Variants in TSPEAR observed in about 807,000 individuals in gnomAD.
TSPEAR encodes the protein thrombospondin-type laminin G domain and EAR repeat-containing protein.
A neutral mutation model predicts 71.6 loss-of-function variants in TSPEAR; 69 were observed. The observed-to-expected ratio is 0.96, with a 90% CI of 0.79 to 1.18. The LOEUF is 1.18. TSPEAR is among the 50% of genes most tolerant of loss of function. The probability of loss-of-function intolerance (pLI) is 0.00; values close to 1 mark genes in which losing one functional copy is unlikely to be tolerated. For synonymous variants in TSPEAR, 402 were observed against 387.2 expected (o/e 1.04, Z -0.45); for missense variants, 971 against 894.9 (o/e 1.09, Z -1.09).
At chr21:44,624,096 C>T (rs1162248706) in intron 1 of TSPEAR, among the ~76,000 whole-genome samples, 1 of 152,064 alleles carries the variant, frequency 6.6e-6, no homozygotes, top group African/African-American at 2.4e-5. Context: ...TCTTCATTTC[C>T]CTCTTTTCTT....
intron 1 of TSPEAR, among the ~76,000 whole-genome samples, chr21:44,700,463 G>A (rs528116004): frequency 2.0e-5 from 3 of 152,214 alleles, no homozygotes; most frequent in Admixed American, 2.0e-4. Flanking sequence ...AGCCGAGGGA[G>A]CAGAGACTTC....
At chr21:44,562,857 G>A (rs1372611929) in intron 2 of TSPEAR, among the ~76,000 whole-genome samples, 1 of 152,154 alleles carries the variant, frequency 6.6e-6, no homozygotes, top group Non-Finnish European at 1.5e-5. Context: ...CATCTTACGA[G>A]TCATACTAGC....
chr21:44,648,075 G>A (rs1183172150), intron 1 of TSPEAR, among the ~76,000 whole-genome samples: 1 of 152,246 alleles, frequency 6.6e-6, no homozygotes, highest in Non-Finnish European at 1.5e-5. Context: ...GGGCTGCCCC[G>A]AGAGTTTGAG....
In TSPEAR at chr21:44,527,556, G is replaced by A. The variant is rs201713401; in HGVS notation, c.923-38C>T. 3.6e-5 allele frequency: 58 copies of A among 1,603,210 alleles called. No individual in the cohort carries two copies. The African/African-American group carries it at 5.1e-4, about 14-fold the overall frequency. On this transcript the variant is annotated intron_variant, in intron 6 of 11. Coordinates refer to ENST00000323084, the MANE Select transcript of TSPEAR (RefSeq NM_144991.3). ...ACGTTGTGACTCGGTTAAGATTTCC[G>A]AGAACGGAAATCCAGAGCAATCCTC...
intron 2 of TSPEAR, among the ~76,000 whole-genome samples, chr21:44,552,765 G>A (rs944754503): frequency 6.6e-6 from 1 of 152,194 alleles, no homozygotes; most frequent in Admixed American, 6.5e-5. Context: ...CTGCACACCT[G>A]CCTCGCCATT....
At chr21:44,673,390 A>T (rs1986152923) in intron 1 of TSPEAR, among the ~76,000 whole-genome samples, 1 of 152,254 alleles carries the variant, frequency 6.6e-6, no homozygotes, top group South Asian at 2.1e-4. Context: ...GCCATACAGG[A>T]AATTCTTAAG....
chr21:44,636,965 C>G (rs1555936804), intron 1 of TSPEAR, among the ~76,000 whole-genome samples: 1 of 152,234 alleles, frequency 6.6e-6, no homozygotes, highest in African/African-American at 2.4e-5. Context: ...ACACAGGCAC[C>G]TCCGTCCTGG....
intron 1 of TSPEAR, among the ~76,000 whole-genome samples, chr21:44,698,670 C>T (rs1037363730): frequency 6.6e-6 from 1 of 152,222 alleles, no homozygotes. Flanking sequence ...GCTCGCTCCA[C>T]CTGCAGCCCA....
chr21:44,687,508 G>A lies in TSPEAR; in HGVS notation c.82+23925C>T, dbSNP rs572692084. ...CAGGAACGCATCGCAGAAACACCGC[G>A]CGGGGTGGGAGAGGCCGGCACCAGA... On this transcript the variant is annotated intron_variant, in intron 1 of 11. Coordinates refer to ENST00000323084, the MANE Select transcript of TSPEAR (RefSeq NM_144991.3). The surrounding 1 kb of genome is among the most constrained non-coding windows in gnomAD (Gnocchi z 4.4). 6.6e-6 allele frequency among the ~76,000 whole-genome samples: 1 copy of A among 152,200 alleles called. No homozygotes were observed. Among genetic ancestry groups the A allele is most frequent in the African/African-American group, 2.4e-5 (1 of 41,446 alleles).
intron 1 of TSPEAR, among the ~76,000 whole-genome samples, chr21:44,614,984 G>A (rs1311767544): frequency 6.6e-6 from 1 of 152,196 alleles, no homozygotes; most frequent in African/African-American, 2.4e-5. Context: ...CACCTGTCCT[G>A]GAAGAAAAAG....
intron 1 of TSPEAR, among the ~76,000 whole-genome samples, chr21:44,583,186 G>A (rs1159664504): frequency 6.4e-5 from 1 of 15,522 alleles, no homozygotes; most frequent in African/African-American, 1.4e-4. Context: ...CTGGGGATCT[G>A]AGTGAGCTGA....
Position 44,591,807 on chromosome 21 carries a change from C to G in TSPEAR, c.83-23802G>C, listed in dbSNP as rs587739076. 2.7e-5 allele frequency: 43 copies of G among 1,577,438 alleles called. No individual in the cohort carries two copies. In the East Asian group the frequency reaches 8.0e-4, roughly 29 times the overall value. ...CGCAGCAGACGGGCACGCAGCAGGCCTGCTGGCAGGGGGAGGAGGTGCAGC... is the reference window on the plus strand; with the variant it reads ...CGCAGCAGACGGGCACGCAGCAGGCGTGCTGGCAGGGGGAGGAGGTGCAGC... On this transcript the variant is annotated intron_variant, in intron 1 of 11. Transcript: ENST00000323084.
At chr21:44,584,442 A>G (rs1278552734) in intron 1 of TSPEAR, among the ~76,000 whole-genome samples, 2 of 152,192 alleles carry the variant, frequency 1.3e-5, no homozygotes, top group Non-Finnish European at 2.9e-5. Context: ...TTTGTCTTGT[A>G]TATACAAGAT....
At chr21:44,525,559 T>G in intron 8 of TSPEAR, 94 bp downstream of exon 8, 1 of 1,318,866 alleles carries the variant, frequency 7.6e-7, no homozygotes, top group Non-Finnish European at 1.1e-6. Context: ...TGTGGCTTAT[T>G]GTTTTCTAAT....
In TSPEAR at chr21:44,499,771, G is replaced by T; in HGVS notation, c.*12C>A. On this transcript the variant is annotated 3_prime_UTR_variant, in exon 12 of 12. Transcript: ENST00000323084. Reference sequence around the variant, plus strand: ...ACCTGGCCACCCCAGTTGCTGCCGGGCAGCCGCGGCCTCAGCGTGTCCTCA... The same window carrying T: ...ACCTGGCCACCCCAGTTGCTGCCGGTCAGCCGCGGCCTCAGCGTGTCCTCA... 6.5e-7 allele frequency: 1 copy of T among 1,549,710 alleles called. No individual in the cohort carries two copies. Among genetic ancestry groups the T allele is most frequent in the Non-Finnish European group, 8.7e-7 (1 of 1,148,664 alleles).
At chr21:44,570,578 G>A (rs1468965688) in intron 1 of TSPEAR, among the ~76,000 whole-genome samples, 1 of 152,248 alleles carries the variant, frequency 6.6e-6, no homozygotes, top group Admixed American at 6.5e-5. Flanking sequence ...GGATGGAGAA[G>A]GAGGGAACCG....
At chr21:44,639,449 C>T (rs907735089) in intron 1 of TSPEAR, among the ~76,000 whole-genome samples, 7 of 152,222 alleles carry the variant, frequency 4.6e-5, no homozygotes, top group African/African-American at 1.2e-4. Context: ...ACAGCCGCCT[C>T]GCTCACTCCC....
chr21:44,648,090 ACT>A (rs1289740986), intron 1 of TSPEAR, among the ~76,000 whole-genome samples: 3 of 152,130 alleles, frequency 2.0e-5, no homozygotes, highest in Non-Finnish European at 4.4e-5. Context: ...TTTGAGGGCC[ACT>A]CTGTGTGCTC....
intron 1 of TSPEAR, among the ~76,000 whole-genome samples, chr21:44,673,232 C>T (rs1276117873): frequency 6.6e-6 from 1 of 152,142 alleles, no homozygotes; most frequent in Non-Finnish European, 1.5e-5. Flanking sequence ...CAGGTCAGGA[C>T]AGAATGGGAT....
Sources: allele counts gnomAD v4.1 joint callset (sites outside exome capture counted in the v4.1 genomes callset), GRCh38; gene constraint gnomAD v4.1.1; non-coding constraint Gnocchi (gnomAD v3.1); transcripts MANE v1.5; gene names NCBI Gene and HGNC (gene_info 2026-07-23, HGNC 2026-07-21).